The following ZNF789 variants were observed in gnomAD, a reference collection of about 807,000 sequenced individuals.
ZNF789 encodes the protein zinc finger protein 789.
A neutral mutation model predicts 15.6 loss-of-function variants in ZNF789; 11 were observed. The observed-to-expected ratio is 0.70, with a 90% CI of 0.44 to 1.16. The LOEUF is 1.16. ZNF789 is among the 50% of genes most tolerant of loss of function. The pLI, the probability that ZNF789 is intolerant of heterozygous loss-of-function variation, is 0.00. For synonymous variants in ZNF789, 159 were observed against 176.0 expected, an observed-to-expected ratio of 0.90 and a Z score of 0.76; for missense variants, 461 against 512.6, an observed-to-expected ratio of 0.90 and a Z score of 0.97.
intron 3 of ZNF789, chr7:99,482,289 G>C: frequency 1.3e-6 from 1 of 769,116 alleles, no homozygotes; most frequent in South Asian, 1.4e-5. Context: ...TATGAACATT[G>C]TTCAGGCTTT....
At chr7:99,486,450 TAC>T in intron 4 of ZNF789, 24 bp from the exon 5 acceptor site, 1 of 1,589,860 alleles carries the variant, frequency 6.3e-7, no homozygotes, top group Non-Finnish European at 8.5e-7. Context: ...ATAGGTCATT[TAC>T]ATCTTTTCTT....
chr7:99,484,481 G>C (rs558659358), intron 4 of ZNF789, among the ~76,000 whole-genome samples: 2 of 152,188 alleles, frequency 1.3e-5, no homozygotes, highest in African/African-American at 4.8e-5. Flanking sequence ...TTAGCCCCGC[G>C]TAGTGGCGTG....
intron 4 of ZNF789, chr7:99,485,110 C>T (rs1179222794): frequency 2.3e-5 from 32 of 1,421,360 alleles, no homozygotes; most frequent in Middle Eastern, 3.6e-4. Context: ...TGTCCTCTCT[C>T]GGTGCTGCCT....
At chr7:99,481,005 G>A (rs1221464130) in intron 3 of ZNF789, 1 of 152,228 alleles carries the variant, frequency 6.6e-6, no homozygotes, top group Non-Finnish European at 1.5e-5. Context: ...GAGGAGAAGA[G>A]GAAAGTGTTC....
At chr7:99,473,782 G>T (rs751877601) in intron 1 of ZNF789, among the ~76,000 whole-genome samples, 1 of 152,114 alleles carries the variant, frequency 6.6e-6, no homozygotes, top group African/African-American at 2.4e-5. Flanking sequence ...CACCATGCCC[G>T]GCTAATTTTT....
chr7:99,483,771 T>G (rs1373425711), intron 3 of ZNF789: 1 of 781,132 alleles, frequency 1.3e-6, no homozygotes. Context: ...AATACCACTG[T>G]GCTGAACGTC....
At position 99,487,218 on chromosome 7, in the gene ZNF789, T is replaced by A. The variant is rs1323877991; in HGVS notation, c.1008T>A (p.Ser336Arg). The A allele has an allele frequency of 3.1e-6, 5 of 1,614,062 alleles. No individual in the cohort carries two copies. In the Admixed American group the frequency reaches 8.3e-5, roughly 27 times the overall value. ...TTCTATGTCATCAACAGATTCACAG[T>A]AAACCGAACACCCATAAATGCAGTG... is the stretch of plus-strand genomic sequence containing the variant. ...STLLCHQQIH[S>R]KPNTHKCSEC... The change falls in exon 5 of 5, where the codon AGT becomes AGA. Residue 336 changes from serine (S) to arginine (R), a missense_variant. Ser to Arg is a moderately radical substitution (Grantham distance 110). Coordinates refer to ENST00000331410, the MANE Select transcript of ZNF789 (RefSeq NM_213603.3).
At chr7:99,481,660 T>A (rs1430953039) in intron 3 of ZNF789, 2 of 158,050 alleles carry the variant, frequency 1.3e-5, no homozygotes, top group African/African-American at 2.4e-5. Context: ...TTTCGCCATG[T>A]TGGTCAGGCT....
intron 2 of ZNF789, chr7:99,479,268 T>A (rs1799492642): frequency 6.0e-6 from 1 of 166,758 alleles, no homozygotes; most frequent in Non-Finnish European, 1.3e-5. Context: ...TGGTAAAGTT[T>A]CCCTGAAACA....
intron 3 of ZNF789, chr7:99,482,277 G>A (rs1799679788): frequency 1.3e-6 from 1 of 777,168 alleles, no homozygotes; most frequent in Non-Finnish European, 2.4e-6. Context: ...CACAGCCAAA[G>A]GTATGAACAT....
Position 99,487,127 on chromosome 7 carries a change from T to C in ZNF789, c.917T>C (p.Ile306Thr), listed in dbSNP as rs750067344. ...QNSTLIRHQV[I>T]HSGEKRHKCL... The stretch of plus-strand genomic sequence containing the variant: ...TCAACCCTTATTCGACATCAGGTGA[T>C]CCATAGTGGAGAAAAACGCCATAAA... The change falls in exon 5 of 5, where the codon ATC (isoleucine) becomes ACC (threonine). Residue 306 changes from isoleucine (I) to threonine (T), a missense_variant. Coordinates refer to ENST00000331410, the MANE Select transcript of ZNF789 (RefSeq NM_213603.3). 6 of 1,614,060 alleles carry C rather than the reference T, an allele frequency of 3.7e-6. No homozygotes were observed. In the South Asian group the frequency reaches 5.5e-5, roughly 15 times the overall value.
chr7:99,476,379 T>C (rs1799334273), intron 1 of ZNF789, 24 bp from the exon 2 acceptor site: 1 of 1,566,926 alleles, frequency 6.4e-7, no homozygotes, highest in African/African-American at 1.4e-5. Flanking sequence ...AGGGCTGGCC[T>C]TACTGACTTT....
rs751502188 is a variant in ZNF789, at chr7:99,476,425, C to G, written c.-32C>G. On this transcript the variant is annotated 5_prime_UTR_variant, in exon 2 of 5. Transcript: ENST00000331410. ...CAGCTCAGCCAGACGTCCAGGATCC[C>G]ACCCCTTGCAAAAGACCAGGCCGTG... 6.2e-6 allele frequency: 10 copies of G among 1,605,344 alleles called. No homozygotes were observed. The highest frequency in any genetic ancestry group is 7.6e-6 in the Non-Finnish European group (9 of 1,176,576).
chr7:99,474,757 A>G (rs1799223864), intron 1 of ZNF789, among the ~76,000 whole-genome samples: 1 of 152,280 alleles, frequency 6.6e-6, no homozygotes, highest in African/African-American at 2.4e-5. Context: ...GATAGTTTTT[A>G]GAGTGTACCT....
At chr7:99,481,531 C>T (rs1046699098) in intron 3 of ZNF789, 13 of 152,390 alleles carry the variant, frequency 8.5e-5, no homozygotes, top group African/African-American at 3.1e-4. Flanking sequence ...GATCTCAGCT[C>T]ACCACAACCT....
At chr7:99,479,381 T>G in intron 2 of ZNF789, 7 of 295,284 alleles carry the variant, frequency 2.4e-5, no homozygotes, top group Non-Finnish European at 3.1e-5. Context: ...CAACAGCAGA[T>G]TTGAGGAACT....
At chr7:99,482,003 T>A in intron 3 of ZNF789, 1 of 621,036 alleles carries the variant, frequency 1.6e-6, no homozygotes, top group Non-Finnish European at 2.9e-6. Context: ...AAAAGTGTTT[T>A]GGATTTCGGA....
rs879485662 is a variant in ZNF789 at position 99,486,314 on chromosome 7, CA to C, written c.266-153del. 2.5e-3 allele frequency among the ~76,000 whole-genome samples: 385 copies of C among 151,582 alleles called. 1 individual carries two copies. The highest frequency in any genetic ancestry group is 0.015 in the Admixed American group (236 of 15,226). ...TGGGCAACAGAGAGAGACTCCGTCT[CA>C]AAAAAAAATTTCAGAGTTTTGGCCT... On this transcript the variant is annotated intron_variant, in intron 4 of 4. Transcript: ENST00000331410.
chr7:99,487,171 G>A lies in ZNF789; in HGVS notation c.961G>A (p.Ala321Thr). Residue 321 changes from alanine to threonine, a missense_variant, in exon 5 of 5, where the codon GCC becomes ACC. Ala to Thr is a moderately conservative substitution (Grantham distance 58, BLOSUM62 0). Coordinates refer to ENST00000331410, the MANE Select transcript of ZNF789 (RefSeq NM_213603.3). ...KRHKCLECGK[A>T]FGRHSTLLCH... is the part of the protein sequence containing the mutation. ...CCATAAATGCCTTGAGTGTGGAAAAGCCTTTGGCCGGCATTCAACCCTTCT... is the reference window on the plus strand; with the variant it reads ...CCATAAATGCCTTGAGTGTGGAAAAACCTTTGGCCGGCATTCAACCCTTCT... 1 of 1,614,104 alleles carries A rather than the reference G, an allele frequency of 6.2e-7. No homozygotes were observed.
Sources: gnomAD v4.1 joint callset for allele counts (sites outside exome capture counted in the v4.1 genomes callset) on GRCh38, gnomAD v4.1.1 for gene constraint, MANE v1.5 for transcripts, NCBI Gene and HGNC (gene_info 2026-07-23, HGNC 2026-07-21) for gene names.